Variants in SHANK2 observed in about 807,000 individuals in gnomAD.
The protein encoded by SHANK2 is SH3 and multiple ankyrin repeat domains 2, also known as SH3 and multiple ankyrin repeat domains protein 2.
Under a neutral mutation model 133.7 loss-of-function variants are expected in SHANK2, and 43 were observed. That is an observed-to-expected ratio of 0.32 (90% CI 0.25 to 0.41). The LOEUF (loss-of-function observed/expected upper bound fraction) is 0.41. Among genes scored for constraint, SHANK2 ranks in the 10% least tolerant of loss-of-function variants. The pLI is 1.00. For missense variants in SHANK2, 1,994 were observed against 2,235.8 expected (o/e 0.89, Z 2.18); for synonymous variants, 1,017 against 952.8 (o/e 1.07, Z -1.24).
chr11:70,768,079 T>TTCAGCTTTCTA, intron 14 of SHANK2, among the ~76,000 whole-genome samples: 1 of 152,126 alleles, frequency 6.6e-6, no homozygotes, highest in Non-Finnish European at 1.5e-5. Context: ...GGGCTGAGGA[T>TTCAGCTTTCTA]GTTGCTGAAT....
chr11:70,833,243 A>G (rs1590738720), intron 11 of SHANK2, among the ~76,000 whole-genome samples: 1 of 152,364 alleles, frequency 6.6e-6, no homozygotes, highest in Admixed American at 6.5e-5. Flanking sequence ...CAGGTATTCC[A>G]TGCAGCCCAC....
intron 10 of SHANK2, among the ~76,000 whole-genome samples, chr11:70,940,767 TA>T (rs1242589902): frequency 2.0e-5 from 3 of 152,118 alleles, no homozygotes; most frequent in African/African-American, 7.2e-5. Context: ...CAGTGATAAC[TA>T]AAAAGATTTA....
chr11:71,170,728 G>A (rs558649584), intron 2 of SHANK2, among the ~76,000 whole-genome samples: 70 of 152,194 alleles, frequency 4.6e-4, no homozygotes, highest in Non-Finnish European at 9.0e-4. Flanking sequence ...CAGAGCCCAC[G>A]CTCAAAGGGG....
In SHANK2 at chr11:70,732,493, GCATGGCC is replaced by G. The variant is rs1946311800; in HGVS notation, c.1778-33737_1778-33731del. Among the ~76,000 whole-genome samples, 6 of 152,292 alleles carry G rather than the reference GCATGGCC, an allele frequency of 3.9e-5. No individual in the cohort carries two copies. In the South Asian group the frequency reaches 1.2e-3, roughly 32 times the overall value. On this transcript the variant is annotated intron_variant, in intron 14 of 25. Coordinates refer to ENST00000601538, the MANE Select transcript of SHANK2 (RefSeq NM_012309.5). ...ACATCTCTTGCCTGCTCAGACCCTT[GCATGGCC>G]CAGGATTTTTTTCTGTGTCCCCCAG...
intron 3 of SHANK2, among the ~76,000 whole-genome samples, chr11:71,127,822 G>C (rs781790732): frequency 4.6e-5 from 7 of 152,200 alleles, no homozygotes; most frequent in Non-Finnish European, 7.3e-5. Context: ...AGATATGCCT[G>C]TTATGTAAGT....
At chr11:70,952,824 G>T (rs1555086976) in intron 10 of SHANK2, 1 of 411,086 alleles carries the variant, frequency 2.4e-6, no homozygotes, top group East Asian at 7.7e-5. Flanking sequence ...TTCTGTGGCT[G>T]TGGGAACAAA....
chr11:70,754,281 C>G lies in SHANK2; in HGVS notation c.1777+44162G>C, dbSNP rs142616292. ...ATTAATTTATAAGGGCAGCATTATT[C>G]TGATACACAAACCAGACAAAGACAG... On this transcript the variant is annotated intron_variant, in intron 14 of 25. Coordinates refer to ENST00000601538, the MANE Select transcript of SHANK2 (RefSeq NM_012309.5). 2.0e-5 allele frequency among the ~76,000 whole-genome samples: 3 copies of G among 152,288 alleles called. No homozygotes were observed. The East Asian group carries it at 5.8e-4, about 29-fold the overall frequency.
intron 14 of SHANK2, among the ~76,000 whole-genome samples, chr11:70,766,771 T>C (rs1947132125): frequency 6.6e-6 from 1 of 152,222 alleles, no homozygotes. Flanking sequence ...ACAACTCCAT[T>C]TTGTCACTCT....
intron 3 of SHANK2, among the ~76,000 whole-genome samples, chr11:71,137,559 G>C (rs1337073161): frequency 6.6e-6 from 1 of 152,150 alleles, no homozygotes; most frequent in Non-Finnish European, 1.5e-5. Context: ...TGGGTGCAGG[G>C]AGCCGCTAAC....
intron 2 of SHANK2, among the ~76,000 whole-genome samples, chr11:71,164,932 T>C (rs1479323192): frequency 6.6e-6 from 1 of 152,234 alleles, no homozygotes; most frequent in African/African-American, 2.4e-5. Context: ...TCATCTGTAA[T>C]GACAGTATTT....
At chr11:70,777,062 C>A (rs1253385844) in intron 14 of SHANK2, among the ~76,000 whole-genome samples, 2 of 151,534 alleles carry the variant, frequency 1.3e-5, no homozygotes, top group Non-Finnish European at 2.9e-5. Context: ...TGCATCCATC[C>A]ATCCATTCAC....
At chr11:70,905,722 C>T (rs1055261899) in intron 10 of SHANK2, among the ~76,000 whole-genome samples, 8 of 152,170 alleles carry the variant, frequency 5.3e-5, no homozygotes, top group Non-Finnish European at 5.9e-5. Context: ...AGCCCATCTG[C>T]TGGCCCTTGA....
At chr11:71,226,936 T>C (rs1400549608) in intron 1 of SHANK2, among the ~76,000 whole-genome samples, 2 of 152,176 alleles carry the variant, frequency 1.3e-5, no homozygotes, top group Admixed American at 6.5e-5. Context: ...TATGTGGTTC[T>C]AAATATATAG....
intron 11 of SHANK2, among the ~76,000 whole-genome samples, chr11:70,846,263 A>T (rs1555063304): frequency 6.6e-6 from 1 of 150,982 alleles, no homozygotes; most frequent in Non-Finnish European, 1.5e-5. Context: ...TCTGTAAATT[A>T]GTATTATTAT....
At chr11:70,821,297 A>T (rs1555055904) in intron 11 of SHANK2, among the ~76,000 whole-genome samples, 1 of 152,164 alleles carries the variant, frequency 6.6e-6, no homozygotes, top group East Asian at 1.9e-4. Context: ...TGACCCCGTG[A>T]GGACACAGGG....
chr11:70,668,305 A>G (rs61233494), intron 15 of SHANK2: 13,701 of 152,528 alleles, frequency 0.09, 951 homozygotes, highest in South Asian at 0.16. Context: ...TACGCGAGAA[A>G]AGCAGAGGGA....
At position 70,944,200 on chromosome 11, in the gene SHANK2, G is replaced by A. The variant is rs149396352; in HGVS notation, c.1108-47633C>T. ...CTGACAGAGGTGTAAATTGCAGAGC[G>A]CAGGTCTATTCCTGTAAGGTGGAAA... On this transcript the variant is annotated intron_variant, in intron 10 of 25. Coordinates refer to ENST00000601538, the MANE Select transcript of SHANK2 (RefSeq NM_012309.5). Among the ~76,000 whole-genome samples, 13 of 152,350 alleles carry A rather than the reference G, an allele frequency of 8.5e-5. No homozygotes were observed. In the East Asian group the frequency reaches 1.3e-3, roughly 16 times the overall value.
intron 2 of SHANK2, among the ~76,000 whole-genome samples, chr11:71,168,391 G>A (rs1953231438): frequency 6.6e-6 from 1 of 151,352 alleles, no homozygotes; most frequent in African/African-American, 2.4e-5. Context: ...TGGGCGGCCG[G>A]GCAGAGACGC....
intron 15 of SHANK2, among the ~76,000 whole-genome samples, chr11:70,679,955 G>A (rs1301564825): frequency 1.3e-5 from 2 of 152,216 alleles, no homozygotes; most frequent in African/African-American, 2.4e-5. Flanking sequence ...TGATCACTGT[G>A]ACTGGAAATG....
Sources: allele counts gnomAD v4.1 joint callset (sites outside exome capture counted in the v4.1 genomes callset), GRCh38; gene constraint gnomAD v4.1.1; transcripts MANE v1.5; gene names NCBI Gene and HGNC (gene_info 2026-07-23, HGNC 2026-07-21).